Variants in UNC13C observed in about 807,000 individuals in gnomAD.
The protein encoded by UNC13C is unc-13 homolog C, also known as protein unc-13 homolog C.
UNC13C carries 174 observed loss-of-function variants against 245.4 expected under a neutral mutation model. The observed-to-expected ratio is 0.71, with a 90% CI of 0.63 to 0.80. UNC13C has a LOEUF of 0.80. Ranked by LOEUF, UNC13C falls within the 30% of genes least tolerant of loss-of-function variation. The pLI is 0.00. For missense variants in UNC13C, 2,829 were observed against 2,602.9 expected (o/e 1.09, Z -1.89); for synonymous variants, 992 against 895.1 (o/e 1.11, Z -1.93).
rs995600320 is a variant in UNC13C at position 54,104,742 on chromosome 15, C to G, written c.2984-38276C>G. On this transcript the variant is annotated intron_variant, in intron 2 of 32. Coordinates refer to ENST00000260323, the MANE Select transcript of UNC13C (RefSeq NM_001080534.3). ...GTTTCATATGCTGATTGTGGTTCAT[C>G]TGGGTTTTGATTTTCCAGTTTGATT... is the stretch of plus-strand genomic sequence containing the variant. 2.6e-5 allele frequency among the ~76,000 whole-genome samples: 4 copies of G among 151,428 alleles called. No individual in the cohort carries two copies. The South Asian group carries it at 8.3e-4, about 32-fold the overall frequency.
chr15:53,846,305 C>G, the UNC13C span, among the ~76,000 whole-genome samples: 2,783 of 152,254 alleles, frequency 0.018, 94 homozygotes, highest in African/African-American at 0.064. Flanking sequence ...CAACACATAA[C>G]TAATGAATCT....
the UNC13C span, among the ~76,000 whole-genome samples, chr15:53,901,576 A>G: frequency 6.6e-6 from 1 of 152,112 alleles, no homozygotes; most frequent in East Asian, 1.9e-4. Context: ...TCCCTCCTCT[A>G]TCTATAGACA....
chr15:53,954,675 A>G, the UNC13C span, among the ~76,000 whole-genome samples: 2 of 152,140 alleles, frequency 1.3e-5, no homozygotes, highest in Non-Finnish European at 2.9e-5. Context: ...TTGGCCTGTT[A>G]CAGAGTTAGG....
upstream of UNC13C, among the ~76,000 whole-genome samples, chr15:53,978,200 A>T (rs1841945): frequency 0.39 from 59,122 of 152,208 alleles, 11,827 homozygotes; most frequent in Admixed American, 0.5. Context: ...CCAGCGATAA[A>T]GGGAAGATAG....
At chr15:53,856,375 T>G in the UNC13C span, among the ~76,000 whole-genome samples, 5 of 134,210 alleles carry the variant, frequency 3.7e-5, no homozygotes, top group Non-Finnish European at 8.7e-5. Flanking sequence ...TTCTCTAGTT[T>G]TTTTTTGTTG....
At chr15:54,566,118 A>G (rs1897501356) in intron 29 of UNC13C, among the ~76,000 whole-genome samples, 1 of 151,964 alleles carries the variant, frequency 6.6e-6, no homozygotes, top group African/African-American at 2.4e-5. Flanking sequence ...TCTCAGGCAC[A>G]GTTATTTCTT....
intron 17 of UNC13C, among the ~76,000 whole-genome samples, chr15:54,376,371 T>A (rs2140891337): frequency 6.6e-6 from 1 of 152,128 alleles, no homozygotes; most frequent in South Asian, 2.1e-4. Context: ...GACAGAAACA[T>A]AAGGAAAATT....
chr15:53,889,948 G>A, the UNC13C span, among the ~76,000 whole-genome samples: 3 of 152,072 alleles, frequency 2.0e-5, no homozygotes, highest in Admixed American at 1.3e-4. Context: ...TGATAGATTC[G>A]ATTTGCCAGT....
intron 2 of UNC13C, among the ~76,000 whole-genome samples, chr15:54,107,285 A>T (rs1042016407): frequency 5.9e-5 from 9 of 152,136 alleles, no homozygotes; most frequent in Non-Finnish European, 1.0e-4. Flanking sequence ...CCTAGGTATG[A>T]GGGGAAAGAA....
intron 7 of UNC13C, among the ~76,000 whole-genome samples, chr15:54,243,174 C>A (rs2035902944): frequency 6.7e-6 from 1 of 149,990 alleles, no homozygotes; most frequent in South Asian, 2.2e-4. Context: ...GTGTTATTCC[C>A]CGCCGCATGT....
chr15:54,438,620 T>A (rs539219251), intron 19 of UNC13C, among the ~76,000 whole-genome samples: 2 of 151,974 alleles, frequency 1.3e-5, no homozygotes, highest in Non-Finnish European at 2.9e-5. Context: ...TTTCTCTAAT[T>A]TGTTATCTAG....
Position 54,517,434 on chromosome 15 carries a change from AT to A in UNC13C, c.5457+5610del, listed in dbSNP as rs1895028776. On this transcript the variant is annotated intron_variant, in intron 24 of 32. Coordinates refer to ENST00000260323, the MANE Select transcript of UNC13C (RefSeq NM_001080534.3). ...AGAAATTGGGGTACAAAATAAAAAC[AT>A]TTTTTAATGCCTGGGGTCTCAAGGA... Among the ~76,000 whole-genome samples, 5 of 152,242 alleles carry A rather than the reference AT, an allele frequency of 3.3e-5. No homozygotes were observed. The South Asian group carries it at 1.0e-3, about 32-fold the overall frequency.
chr15:54,003,838 C>A (rs1366888536), intron 1 of UNC13C, among the ~76,000 whole-genome samples: 1 of 152,120 alleles, frequency 6.6e-6, no homozygotes, highest in Non-Finnish European at 1.5e-5. Flanking sequence ...TGGTGAAACC[C>A]TGTCTCTACT....
chr15:54,359,261 G>C (rs562266727), intron 17 of UNC13C, among the ~76,000 whole-genome samples: 1 of 151,630 alleles, frequency 6.6e-6, no homozygotes, highest in Non-Finnish European at 1.5e-5. Context: ...TGTTCAACAG[G>C]GATATTGTCC....
chr15:54,101,005 C>A (rs961513866), intron 2 of UNC13C, among the ~76,000 whole-genome samples: 2 of 152,036 alleles, frequency 1.3e-5, no homozygotes, highest in Non-Finnish European at 2.9e-5. Context: ...AGATCAATAC[C>A]TGTTGTTAAG....
intron 4 of UNC13C, among the ~76,000 whole-genome samples, chr15:54,211,491 G>C (rs1363048615): frequency 6.6e-6 from 1 of 152,162 alleles, no homozygotes; most frequent in East Asian, 1.9e-4. Flanking sequence ...CTAGTATCAA[G>C]TTATCCTACT....
intron 19 of UNC13C, among the ~76,000 whole-genome samples, chr15:54,457,733 T>C (rs1281296157): frequency 1.3e-5 from 2 of 152,046 alleles, no homozygotes; most frequent in Non-Finnish European, 2.9e-5. Context: ...TCCCATTTTG[T>C]TTCTAATTGA....
intron 1 of UNC13C, among the ~76,000 whole-genome samples, chr15:54,004,514 G>A (rs1041285850): frequency 6.6e-6 from 1 of 152,152 alleles, no homozygotes; most frequent in Non-Finnish European, 1.5e-5. Flanking sequence ...CTTTTCTTTT[G>A]AGTATATATC....
chr15:54,553,414 A>T (rs1233197174), intron 28 of UNC13C, among the ~76,000 whole-genome samples: 15 of 129,794 alleles, frequency 1.2e-4, no homozygotes, highest in Non-Finnish European at 2.4e-4. Context: ...ATATTGTAAT[A>T]TATAATATTA....
Sources: allele counts gnomAD v4.1 joint callset (sites outside exome capture counted in the v4.1 genomes callset), GRCh38; gene constraint gnomAD v4.1.1; transcripts MANE v1.5; gene names NCBI Gene and HGNC (gene_info 2026-07-23, HGNC 2026-07-21).